RBFOX3: variants seen among roughly 807,000 people sequenced by gnomAD.
RBFOX3 encodes the protein RNA binding fox-1 homolog 3, also known as RNA binding protein fox-1 homolog 3.
In RBFOX3, 17 loss-of-function variants were observed where a neutral mutation model predicts 48.7. That is an observed-to-expected ratio of 0.35 (90% CI 0.24 to 0.52). The LOEUF is 0.52. RBFOX3 is among the 20% of genes least tolerant of loss of function. The pLI, the probability that RBFOX3 is intolerant of heterozygous loss-of-function variation, is 0.94. For missense variants in RBFOX3, 382 were observed against 497.5 expected, an observed-to-expected ratio of 0.77 and a Z score of 2.21; for synonymous variants, 212 against 209.5, an observed-to-expected ratio of 1.01 and a Z score of -0.10.
chr17:79,319,791 G>C (rs2078176218), intron 2 of RBFOX3, among the ~76,000 whole-genome samples: 5 of 141,710 alleles, frequency 3.5e-5, no homozygotes, highest in Admixed American at 3.5e-4. Flanking sequence ...TGTCTGGGCT[G>C]TTGGTCCTGT....
intron 2 of RBFOX3, among the ~76,000 whole-genome samples, chr17:79,380,694 G>A (rs1279915748): frequency 6.6e-6 from 1 of 152,182 alleles, no homozygotes; most frequent in Non-Finnish European, 1.5e-5. Context: ...TGAGCATTTT[G>A]GATGCATTTG....
At chr17:79,534,733 T>G (rs2088409617) in intron 1 of RBFOX3, among the ~76,000 whole-genome samples, 1 of 152,200 alleles carries the variant, frequency 6.6e-6, no homozygotes, top group South Asian at 2.1e-4. Flanking sequence ...AAATCAGGCT[T>G]GTAAAACATC....
intron 2 of RBFOX3, among the ~76,000 whole-genome samples, chr17:79,461,985 T>G (rs2075431147): frequency 6.6e-6 from 1 of 152,234 alleles, no homozygotes; most frequent in Admixed American, 6.5e-5. Context: ...ACTTCTGGCC[T>G]CCAGAATTGT....
chr17:79,499,936 G>A (rs2149715907), intron 1 of RBFOX3, among the ~76,000 whole-genome samples: 1 of 152,304 alleles, frequency 6.6e-6, no homozygotes, highest in Non-Finnish European at 1.5e-5. Flanking sequence ...TCCTGCAAAA[G>A]AGGTGGAGCC....
At chr17:79,622,705 G>T in the RBFOX3 span, among the ~76,000 whole-genome samples, 1 of 152,046 alleles carries the variant, frequency 6.6e-6, no homozygotes, top group African/African-American at 2.4e-5. Context: ...GGTTGGATTG[G>T]GGCCCATCCC....
chr17:79,209,097 G>A lies in RBFOX3; in HGVS notation c.-34+26669C>T, dbSNP rs537473358. On this transcript the variant is annotated intron_variant, in intron 4 of 14. Coordinates refer to ENST00000693108, the MANE Select transcript of RBFOX3 (RefSeq NM_001350451.2). Reference sequence around the variant, plus strand: ...GCCTCCCAAAGTGCTGGGATTACAGGCGTGAGCCACCACGCCCGGCCCCTG... The same window carrying A: ...GCCTCCCAAAGTGCTGGGATTACAGACGTGAGCCACCACGCCCGGCCCCTG... Among the ~76,000 whole-genome samples, 35 of 152,222 alleles carry A rather than the reference G, an allele frequency of 2.3e-4. No individual in the cohort carries two copies. In the Middle Eastern group the frequency reaches 0.01, roughly 44 times the overall value.
intron 2 of RBFOX3, among the ~76,000 whole-genome samples, chr17:79,360,921 G>A (rs1315945744): frequency 1.3e-5 from 2 of 151,722 alleles, no homozygotes; most frequent in East Asian, 3.9e-4. Context: ...ATTGAGGTGT[G>A]ATTGTAAACC....
At chr17:79,107,802 C>T (rs2077687895) in intron 5 of RBFOX3, among the ~76,000 whole-genome samples, 1 of 152,212 alleles carries the variant, frequency 6.6e-6, no homozygotes, top group Admixed American at 6.5e-5. Flanking sequence ...TTTGTTTTCC[C>T]GCTCAGCCCA....
At chr17:79,116,969 C>T (rs1322967935) in intron 4 of RBFOX3, among the ~76,000 whole-genome samples, 1 of 152,256 alleles carries the variant, frequency 6.6e-6, no homozygotes, top group East Asian at 1.9e-4. Context: ...CACTGAGAAC[C>T]ACTGACCTAG....
chr17:79,436,803 AG>A (rs2069564006), intron 2 of RBFOX3, among the ~76,000 whole-genome samples: 1 of 152,100 alleles, frequency 6.6e-6, no homozygotes, highest in Admixed American at 6.5e-5. Flanking sequence ...GCAGGATCCA[AG>A]GCCCAAGGCA....
chr17:79,108,504 A>G (rs2077870650), intron 5 of RBFOX3, among the ~76,000 whole-genome samples: 1 of 152,112 alleles, frequency 6.6e-6, no homozygotes. Flanking sequence ...GTGAGTGGGG[A>G]GCCTGGGGTC....
At chr17:79,483,622 C>A (rs1477036554) in intron 1 of RBFOX3, among the ~76,000 whole-genome samples, 2 of 151,262 alleles carry the variant, frequency 1.3e-5, no homozygotes, top group Non-Finnish European at 2.9e-5. Flanking sequence ...TGGCTTCATG[C>A]GGATGTGCTG....
At chr17:79,170,902 C>T (rs902777573) in intron 4 of RBFOX3, among the ~76,000 whole-genome samples, 1 of 152,220 alleles carries the variant, frequency 6.6e-6, no homozygotes, top group African/African-American at 2.4e-5. Flanking sequence ...CCACTCAACC[C>T]TGTCTTTCCA....
In RBFOX3 at chr17:79,307,801, T is replaced by G. The variant is rs1718176278; in HGVS notation, c.-151A>C. On this transcript the variant is annotated 5_prime_UTR_variant, in exon 3 of 15. Coordinates refer to ENST00000693108, the MANE Select transcript of RBFOX3 (RefSeq NM_001350451.2). Reference sequence around the variant, plus strand: ...GACCTGGGAAAATGGTGGCAGAATTTCCTCTGGCTGCTGTGACTTCAAGCT... The same window carrying G: ...GACCTGGGAAAATGGTGGCAGAATTGCCTCTGGCTGCTGTGACTTCAAGCT... The G allele has an allele frequency of 6.5e-6, 1 of 153,696 alleles. No homozygotes were observed. The highest frequency in any genetic ancestry group is 2.4e-5 in the African/African-American group (1 of 41,424). 9.5% of individuals were successfully genotyped at this position (153,696 alleles called of 1,614,324 possible).
intron 2 of RBFOX3, among the ~76,000 whole-genome samples, chr17:79,334,766 C>A (rs1323760871): frequency 6.6e-6 from 1 of 152,218 alleles, no homozygotes; most frequent in African/African-American, 2.4e-5. Context: ...CACATGACAG[C>A]AGTAATGGAC....
In RBFOX3 at chr17:79,097,977, A is replaced by G. The variant is rs532087667; in HGVS notation, c.569-232T>C. The G allele has an allele frequency of 2.1e-4, 117 of 561,878 alleles. 1 individual carries two copies. Among genetic ancestry groups the G allele is most frequent in the African/African-American group, 2.1e-3 (110 of 53,174 alleles). 34.8% of individuals were successfully genotyped at this position (561,878 alleles called of 1,614,324 possible). On this transcript the variant is annotated intron_variant, in intron 9 of 14. Coordinates refer to ENST00000693108, the MANE Select transcript of RBFOX3 (RefSeq NM_001350451.2). The stretch of plus-strand genomic sequence containing the variant: ...GGGGGTCTGCTAGGATTCTTTCCCA[A>G]TTGTGATCCTCCTCAGCCTGCCCCT...
At chr17:79,289,235 G>T (rs1232450804) in intron 3 of RBFOX3, among the ~76,000 whole-genome samples, 1 of 152,218 alleles carries the variant, frequency 6.6e-6, no homozygotes, top group African/African-American at 2.4e-5. Flanking sequence ...GTTAGGTGTG[G>T]CAAGAGCCAT....
intron 4 of RBFOX3, among the ~76,000 whole-genome samples, chr17:79,226,508 G>C (rs9902768): frequency 0.2 from 30,256 of 152,146 alleles, 3,936 homozygotes; most frequent in African/African-American, 0.37. Flanking sequence ...GCTTCCCACC[G>C]TGGTCAAGAG....
intron 1 of RBFOX3, among the ~76,000 whole-genome samples, chr17:79,505,410 G>A (rs1250815325): frequency 6.6e-6 from 1 of 152,088 alleles, no homozygotes; most frequent in African/African-American, 2.4e-5. Context: ...CCCCTAAGCT[G>A]TGTGTCCTAC....
Sources: gnomAD v4.1 joint callset for allele counts (sites outside exome capture counted in the v4.1 genomes callset) on GRCh38, gnomAD v4.1.1 for gene constraint, MANE v1.5 for transcripts, NCBI Gene and HGNC (gene_info 2026-07-23, HGNC 2026-07-21) for gene names.